MAST2: variants seen among roughly 807,000 people sequenced by gnomAD.
The protein encoded by MAST2 is microtubule associated serine/threonine kinase 2, also known as microtubule-associated serine/threonine-protein kinase 2.
Under a neutral mutation model 147.4 loss-of-function variants are expected in MAST2, and 70 were observed. The observed-to-expected ratio is 0.47, with a 90% CI of 0.39 to 0.58. The LOEUF is 0.58. MAST2 is among the 20% of genes least tolerant of loss of function. The pLI is 0.00. For missense variants in MAST2, 2,080 were observed against 2,302.3 expected (o/e 0.90, Z 1.98); for synonymous variants, 869 against 896.8 (o/e 0.97, Z 0.55).
chr1:46,032,824 C>CATACTCG, intron 26 of MAST2, 106 bp downstream of exon 26: 3 of 1,442,110 alleles, frequency 2.1e-6, no homozygotes, highest in Non-Finnish European at 2.8e-6. Context: ...ACATCTACAC[C>CATACTCG]GAGTATGGAT....
chr1:45,925,788 A>T (rs1031446541), intron 4 of MAST2, among the ~76,000 whole-genome samples: 1 of 152,248 alleles, frequency 6.6e-6, no homozygotes, highest in Admixed American at 6.5e-5. Context: ...AATGTCTAGC[A>T]AAAAGCTATT....
At chr1:45,843,315 G>C (rs1410729799) in intron 3 of MAST2, among the ~76,000 whole-genome samples, 1 of 152,016 alleles carries the variant, frequency 6.6e-6, no homozygotes, top group East Asian at 1.9e-4. Context: ...TATTGCTTAT[G>C]CTTTTGGTTT....
chr1:45,999,177 G>C (rs984077094), intron 6 of MAST2, among the ~76,000 whole-genome samples: 3 of 152,196 alleles, frequency 2.0e-5, no homozygotes, highest in Admixed American at 6.5e-5. Context: ...TGAACAGGTT[G>C]GGATAAGTTT....
At chr1:45,913,046 G>A (rs1651917746) in intron 4 of MAST2, among the ~76,000 whole-genome samples, 1 of 152,154 alleles carries the variant, frequency 6.6e-6, no homozygotes, top group African/African-American at 2.4e-5. Context: ...ATGAAATTAA[G>A]CTAGTTTCTG....
intron 5 of MAST2, among the ~76,000 whole-genome samples, chr1:45,993,862 C>G (rs1162441315): frequency 6.6e-6 from 1 of 152,112 alleles, no homozygotes; most frequent in East Asian, 1.9e-4. Context: ...TTTGAGGTTT[C>G]TTACTACCTC....
chr1:45,882,820 T>C (rs1409734767), intron 4 of MAST2, among the ~76,000 whole-genome samples: 1 of 152,268 alleles, frequency 6.6e-6, no homozygotes, highest in Non-Finnish European at 1.5e-5. Context: ...CAAGGCCAGC[T>C]AAGTTTGGAG....
chr1:45,853,902 AG>A (rs1173694852), intron 3 of MAST2, among the ~76,000 whole-genome samples: 1 of 152,128 alleles, frequency 6.6e-6, no homozygotes, highest in Non-Finnish European at 1.5e-5. Flanking sequence ...TCAATTTTGA[AG>A]TAATTTTTGT....
At position 46,028,836 on chromosome 1, in the gene MAST2, C is replaced by T. The variant is rs376009302; in HGVS notation, c.2121C>T (p.Asp707=). Residue 707 remains aspartate (D), a synonymous_variant, in exon 18 of 29, where the codon GAC becomes GAT. Coordinates refer to ENST00000361297, the MANE Select transcript of MAST2 (RefSeq NM_015112.3). The part of the protein sequence containing the change: ...ILRQGYGKPV[D]WWAMGIILYE... Reference sequence around the variant, plus strand: ...GCCAGGGCTATGGGAAGCCAGTGGACTGGTGGGCCATGGGCATTATCCTGT... The same window carrying T: ...GCCAGGGCTATGGGAAGCCAGTGGATTGGTGGGCCATGGGCATTATCCTGT... 6 of 1,613,990 alleles carry T rather than the reference C, an allele frequency of 3.7e-6. No homozygotes were observed. In the African/African-American group the frequency reaches 8.0e-5, roughly 22 times the overall value.
Position 46,034,814 on chromosome 1 carries a change from C to G in MAST2, c.4145C>G (p.Pro1382Arg). ...QAFPTKLHLS[P>R]PLGRQLSRPK... Reference sequence around the variant, plus strand: ...TTTCCCACAAAGCTTCACTTGTCACCTCCCCTGGGCAGGCAACTCTCACGG... The same window carrying G: ...TTTCCCACAAAGCTTCACTTGTCACGTCCCCTGGGCAGGCAACTCTCACGG... Residue 1382 changes from proline to arginine, a missense_variant, in exon 29 of 29, where the codon CCT becomes CGT. Physicochemically the swap from Pro to Arg is moderately radical, Grantham distance 103. Around this residue, in one of 4 missense-constraint regions of MAST2, gnomAD observed 1,278 missense variants for 1,304.2 expected, o/e 0.98. Transcript: ENST00000361297. 1 of 1,614,188 alleles carries G rather than the reference C, an allele frequency of 6.2e-7. No homozygotes were observed. The highest frequency in any genetic ancestry group is 8.5e-7 in the Non-Finnish European group (1 of 1,180,040).
intron 4 of MAST2, among the ~76,000 whole-genome samples, chr1:45,952,889 A>G (rs897290094): frequency 2.6e-5 from 4 of 152,204 alleles, no homozygotes; most frequent in African/African-American, 9.6e-5. Context: ...AATACATGAG[A>G]TCCCAAGAGG....
At chr1:45,833,006 G>A (rs796161357) in intron 3 of MAST2, among the ~76,000 whole-genome samples, 1 of 151,848 alleles carries the variant, frequency 6.6e-6, no homozygotes, top group African/African-American at 2.4e-5. Flanking sequence ...ACCTCTATAG[G>A]TTTGCCTATT....
Position 45,913,776 on chromosome 1 carries a change from G to C in MAST2, c.500+31381G>C, listed in dbSNP as rs1332551296. On this transcript the variant is annotated intron_variant, in intron 4 of 28. Transcript: ENST00000361297. ...ACAGAACTGCATACCCCTTGTGTGAGAGAACTTCCTACCAAGACTCCAGTG... is the reference window on the plus strand; with the variant it reads ...ACAGAACTGCATACCCCTTGTGTGACAGAACTTCCTACCAAGACTCCAGTG... 11 of 1,116,394 alleles carry C rather than the reference G, an allele frequency of 9.9e-6. 1 individual carries two copies. In the Middle Eastern group the frequency reaches 1.8e-3, roughly 179 times the overall value. 69.2% of individuals were successfully genotyped at this position (1,116,394 alleles called of 1,614,324 possible).
intron 3 of MAST2, among the ~76,000 whole-genome samples, chr1:45,856,600 A>G (rs1182227239): frequency 6.6e-6 from 1 of 152,182 alleles, no homozygotes; most frequent in Non-Finnish European, 1.5e-5. Flanking sequence ...TTGCTTCTGT[A>G]TGTTAAAAAA....
intron 5 of MAST2, among the ~76,000 whole-genome samples, chr1:45,975,551 C>G (rs1289321643): frequency 6.8e-6 from 1 of 146,318 alleles, no homozygotes; most frequent in Non-Finnish European, 1.5e-5. Context: ...ACTTGTAGTC[C>G]CAGCTGCTCA....
chr1:45,883,703 G>A (rs1486563107), intron 4 of MAST2, among the ~76,000 whole-genome samples: 7 of 151,334 alleles, frequency 4.6e-5, no homozygotes, highest in African/African-American at 1.7e-4. Context: ...TATTATTTAA[G>A]AGGCACATTT....
intron 1 of MAST2, among the ~76,000 whole-genome samples, chr1:45,807,568 G>T (rs944732774): frequency 1.3e-5 from 2 of 150,900 alleles, no homozygotes; most frequent in Non-Finnish European, 3.0e-5. Flanking sequence ...TTGAGACAGG[G>T]TCTCACTTTG....
At position 45,888,663 on chromosome 1, in the gene MAST2, C is replaced by CTTTTTTTTTTTTTTTTT. The variant is rs71587722; in HGVS notation, c.500+6288_500+6304dup. Among the ~76,000 whole-genome samples, 42 of 48,718 alleles carry CTTTTTTTTTTTTTTTTT rather than the reference C, an allele frequency of 8.6e-4. 5 individuals carry two copies. The highest frequency in any genetic ancestry group is 1.8e-3 in the East Asian group (3 of 1,708). 32.0% of individuals were successfully genotyped at this position (48,718 alleles called of 152,430 possible). On this transcript the variant is annotated intron_variant, in intron 4 of 28. Coordinates refer to ENST00000361297, the MANE Select transcript of MAST2 (RefSeq NM_015112.3). ...AGGCGTGAGCCACCGCGCGCGGCCT[C>CTTTTTTTTTTTTTTTTT]TTTTTTTTTTTTTTTTTTTTTTTTT...
At chr1:45,806,299 G>A (rs963627900) in intron 1 of MAST2, among the ~76,000 whole-genome samples, 2 of 152,128 alleles carry the variant, frequency 1.3e-5, no homozygotes, top group African/African-American at 2.4e-5. Context: ...TCTTTCATTC[G>A]GATCATGTCT....
chr1:45,806,013 C>T (rs1644130782), intron 1 of MAST2, among the ~76,000 whole-genome samples: 1 of 152,086 alleles, frequency 6.6e-6, no homozygotes, highest in African/African-American at 2.4e-5. Flanking sequence ...TTAAGGTCAC[C>T]GAAAGCTTTT....
Sources: allele counts gnomAD v4.1 joint callset (sites outside exome capture counted in the v4.1 genomes callset), GRCh38; gene constraint gnomAD v4.1.1; regional missense constraint gnomAD v4.1.1; transcripts MANE v1.5; gene names NCBI Gene and HGNC (gene_info 2026-07-23, HGNC 2026-07-21).